The following SETBP1 variants were observed in gnomAD, a reference collection of about 807,000 sequenced individuals.
The protein encoded by SETBP1 is SET-binding protein.
Under a neutral mutation model 101.0 loss-of-function variants are expected in SETBP1, and 9 were observed. The ratio of observed to expected loss-of-function variants is 0.09; its 90% confidence interval spans 0.05 to 0.16. The LOEUF is 0.16. Ranked by LOEUF, SETBP1 falls within the 10% of genes least tolerant of loss-of-function variation. The pLI, the probability that SETBP1 is intolerant of heterozygous loss-of-function variation, is 1.00. For missense variants in SETBP1, 1,858 were observed against 2,033.8 expected (o/e 0.91, Z 1.66); for synonymous variants, 818 against 788.5 (o/e 1.04, Z -0.63).
intron 3 of SETBP1, 53 bp downstream of exon 3, chr18:44,869,336 T>C: frequency 6.4e-7 from 1 of 1,558,110 alleles, no homozygotes; most frequent in South Asian, 1.1e-5. Context: ...TGATCCAGAG[T>C]TTGGTTGTCA....
rs193129725 is a variant in SETBP1, at chr18:44,817,470, G to A, written c.487-51760G>A. ...GGAGGCCGAGGCAGGCAAATCACCAGGTCAGGAGTTTGAGACCAGCCTGGC... is the reference window on the plus strand; with the variant it reads ...GGAGGCCGAGGCAGGCAAATCACCAAGTCAGGAGTTTGAGACCAGCCTGGC... On this transcript the variant is annotated intron_variant, in intron 2 of 5. Coordinates refer to ENST00000649279, the MANE Select transcript of SETBP1 (RefSeq NM_015559.3). Among the ~76,000 whole-genome samples the A allele has an allele frequency of 1.7e-4, 26 of 152,182 alleles. No homozygotes were observed. In the East Asian group the frequency reaches 5.0e-3, roughly 30 times the overall value.
chr18:45,061,473 T>C (rs1438518257), intron 5 of SETBP1, among the ~76,000 whole-genome samples: 4 of 152,226 alleles, frequency 2.6e-5, no homozygotes, highest in Non-Finnish European at 5.9e-5. Context: ...TGTTCTATTT[T>C]GATCTTTATA....
intron 1 of SETBP1, among the ~76,000 whole-genome samples, chr18:44,694,900 A>G (rs1341361503): frequency 4.6e-5 from 7 of 152,244 alleles, no homozygotes. Flanking sequence ...GACAAGAAGT[A>G]TGACCCATGG....
intron 2 of SETBP1, among the ~76,000 whole-genome samples, chr18:44,828,016 G>A (rs2072272760): frequency 1.3e-5 from 2 of 152,210 alleles, no homozygotes; most frequent in African/African-American, 4.8e-5. Flanking sequence ...GAGAGATTAA[G>A]AGACTAGCTT....
intron 3 of SETBP1, among the ~76,000 whole-genome samples, chr18:44,909,745 G>T (rs1394786410): frequency 6.6e-6 from 1 of 152,166 alleles, no homozygotes; most frequent in Admixed American, 6.5e-5. Context: ...GGCACAGACA[G>T]GTTATGTATT....
At chr18:44,904,623 A>G (rs895781797) in intron 3 of SETBP1, among the ~76,000 whole-genome samples, 5 of 152,218 alleles carry the variant, frequency 3.3e-5, no homozygotes, top group African/African-American at 9.6e-5. Context: ...ACTTGATAAC[A>G]GCTTATCTTA....
chr18:44,860,257 CT>C (rs1402999476), intron 2 of SETBP1, among the ~76,000 whole-genome samples: 1 of 152,144 alleles, frequency 6.6e-6, no homozygotes, highest in Non-Finnish European at 1.5e-5. Context: ...CCTTTATTGG[CT>C]TTTTACGGAC....
At chr18:44,703,820 G>T (rs2069163895) in intron 2 of SETBP1, among the ~76,000 whole-genome samples, 2 of 152,208 alleles carry the variant, frequency 1.3e-5, no homozygotes, top group African/African-American at 2.4e-5. Flanking sequence ...TGAGATTCAT[G>T]CAAGAAAATG....
At chr18:44,991,244 C>CAAAAAAAAAAAAAAAA (rs55811938) in intron 4 of SETBP1, among the ~76,000 whole-genome samples, 10 of 68,196 alleles carry the variant, frequency 1.5e-4, no homozygotes, top group Non-Finnish European at 2.3e-4. Flanking sequence ...CTGCATCTCA[C>CAAAAAAAAAAAAAAAA]AAAAAAAAAA....
chr18:44,688,559 TCTC>T (rs1479695629), intron 1 of SETBP1, among the ~76,000 whole-genome samples: 1 of 151,776 alleles, frequency 6.6e-6, no homozygotes, highest in Non-Finnish European at 1.5e-5. Context: ...TTCAAGCAAT[TCTC>T]CTGCCTCAGC....
intron 2 of SETBP1, among the ~76,000 whole-genome samples, chr18:44,851,037 G>A (rs1389541323): frequency 6.6e-6 from 1 of 152,140 alleles, no homozygotes; most frequent in Admixed American, 6.6e-5. Flanking sequence ...GTGTGGAGGG[G>A]GTCCTGAAGT....
intron 2 of SETBP1, among the ~76,000 whole-genome samples, chr18:44,862,324 G>T (rs143615055): frequency 0.014 from 2,161 of 152,280 alleles, 23 homozygotes; most frequent in Middle Eastern, 0.037. Flanking sequence ...CATCCTTGTT[G>T]CTCTTTAAGA....
intron 2 of SETBP1, among the ~76,000 whole-genome samples, chr18:44,817,970 C>T (rs1433875482): frequency 2.0e-5 from 3 of 152,180 alleles, no homozygotes; most frequent in Non-Finnish European, 4.4e-5. Flanking sequence ...TCCAGACTTA[C>T]GTGTTTTGCT....
At position 44,695,316 on chromosome 18, in the gene SETBP1, T is replaced by C. The variant is rs985696747; in HGVS notation, c.-172-5859T>C. ...ACTAGAAAGAACCTGCATCTACAGATCCAAAAGGCTCATTATGTTCCAGGA... is the reference window on the plus strand; with the variant it reads ...ACTAGAAAGAACCTGCATCTACAGACCCAAAAGGCTCATTATGTTCCAGGA... On this transcript the variant is annotated intron_variant, in intron 1 of 5. Transcript: ENST00000649279. 4.6e-5 allele frequency among the ~76,000 whole-genome samples: 7 copies of C among 152,208 alleles called. No homozygotes were observed. The South Asian group carries it at 1.5e-3, about 32-fold the overall frequency.
intron 3 of SETBP1, among the ~76,000 whole-genome samples, chr18:44,910,322 C>T (rs1244580802): frequency 2.0e-5 from 3 of 152,106 alleles, no homozygotes; most frequent in East Asian, 1.9e-4. Context: ...AAGGGGTGAG[C>T]GGAGGGATGA....
intron 3 of SETBP1, among the ~76,000 whole-genome samples, chr18:44,883,525 T>C (rs559489686): frequency 1.8e-4 from 27 of 152,242 alleles, no homozygotes; most frequent in Non-Finnish European, 3.5e-4. Context: ...TCTGTCACCA[T>C]ATTAATTCAT....
intron 4 of SETBP1, among the ~76,000 whole-genome samples, chr18:45,007,375 G>A (rs956641565): frequency 3.3e-5 from 5 of 151,908 alleles, no homozygotes; most frequent in African/African-American, 1.2e-4. Flanking sequence ...ACATCTTGAG[G>A]GTTTGCTGAT....
chr18:45,019,454 G>A lies in SETBP1; in HGVS notation c.4001-19031G>A, dbSNP rs193011636. On this transcript the variant is annotated intron_variant, in intron 4 of 5. Transcript: ENST00000649279. ...ACATACATTGACTCATGTATTTATC[G>A]TTTTTTGTGAGTAATTTTTTTAAAT... Among the ~76,000 whole-genome samples the A allele has an allele frequency of 4.5e-4, 69 of 152,232 alleles. 1 individual carries two copies. The highest frequency in any genetic ancestry group is 1.3e-3 in the African/African-American group (54 of 41,548).
At chr18:44,776,285 C>T (rs1004898663) in intron 2 of SETBP1, among the ~76,000 whole-genome samples, 1 of 152,178 alleles carries the variant, frequency 6.6e-6, no homozygotes, top group African/African-American at 2.4e-5. Flanking sequence ...TTTTACTGTT[C>T]CTGATTGACA....
Sources: allele counts gnomAD v4.1 joint callset (sites outside exome capture counted in the v4.1 genomes callset), GRCh38; gene constraint gnomAD v4.1.1; transcripts MANE v1.5; gene names NCBI Gene and HGNC (gene_info 2026-07-23, HGNC 2026-07-21).